The following USP8 variants were observed in gnomAD, a reference collection of about 807,000 sequenced individuals.
The protein encoded by USP8 is ubiquitin carboxyl-terminal hydrolase 8.
A neutral mutation model predicts 130.0 loss-of-function variants in USP8; 27 were observed. The observed-to-expected ratio is 0.21, with a 90% confidence interval of 0.15 to 0.29. The LOEUF (loss-of-function observed/expected upper bound fraction) is 0.29. Ranked by LOEUF, USP8 falls within the 10% of genes least tolerant of loss-of-function variation. The probability of loss-of-function intolerance (pLI) is 1.00; values close to 1 mark genes in which losing one functional copy is unlikely to be tolerated. For synonymous variants in USP8, 392 were observed against 444.1 expected (o/e 0.88, Z 1.48); for missense variants, 1,029 against 1,312.2 (o/e 0.78, Z 3.33).
Position 50,462,209 on chromosome 15 carries a change from T to G in USP8, c.499-71T>G, listed in dbSNP as rs959750703. 17 of 1,317,594 alleles carry G rather than the reference T, an allele frequency of 1.3e-5. No homozygotes were observed. In the Admixed American group the frequency reaches 3.1e-4, roughly 24 times the overall value. The allele number at this position is 1,317,594 out of a possible 1,614,324, so 81.6% of individuals were successfully genotyped here. ...TCTTAGAGTTTCCATTTAAGAGAAG[T>G]AAATGAAGTATTAAAGTTGAATTTT... On this transcript the variant is annotated intron_variant, in intron 5 of 19. Transcript: ENST00000307179.
In USP8 at chr15:50,481,403, A is replaced by C. The variant is rs144189687; in HGVS notation, c.1219-78A>C. 2.0e-4 allele frequency: 219 copies of C among 1,083,288 alleles called. No homozygotes were observed. In the East Asian group the frequency reaches 4.5e-3, roughly 22 times the overall value. The allele number at this position is 1,083,288 out of a possible 1,614,324, so 67.1% of individuals were successfully genotyped here. A position where few individuals can be genotyped will look rare whatever the true frequency, so the allele number is the denominator to read the frequency against. On this transcript the variant is annotated intron_variant, in intron 10 of 19. Transcript: ENST00000307179. ...GTCTCCACAAAGTGACACTTCTTTT[A>C]TCACAACTTGATCTCAAGAACTGAG...
In USP8 at chr15:50,509,270, T is replaced by A. The variant is rs2052707485; in HGVS notation, c.*10182T>A. On this transcript the variant is annotated 3_prime_UTR_variant, in exon 20 of 20. Coordinates refer to ENST00000307179, the MANE Select transcript of USP8 (RefSeq NM_005154.5). ...AGGCAGAGGTTGCAGTGAGCCAAGA[T>A]CACACCACTGCACTCCAGCCTGGGA... is the stretch of plus-strand genomic sequence containing the variant. 1 of 150,624 alleles carries A rather than the reference T, an allele frequency of 6.6e-6. No homozygotes were observed. Among genetic ancestry groups the A allele is most frequent in the African/African-American group, 2.5e-5 (1 of 40,640 alleles). The allele number at this position is 150,624 out of a possible 1,614,324, so 9.3% of individuals were successfully genotyped here. A position where few individuals can be genotyped will look rare whatever the true frequency, so the allele number is the denominator to read the frequency against.
intron 4 of USP8, among the ~76,000 whole-genome samples, 158 bp downstream of exon 4, chr15:50,449,643 G>A (rs915817648): frequency 2.6e-5 from 4 of 151,984 alleles, no homozygotes; most frequent in African/African-American, 4.8e-5. Flanking sequence ...GTGCAGTGGC[G>A]CGATCTCGGC....
In USP8 at chr15:50,500,561, G is replaced by A. The variant is rs1047863205; in HGVS notation, c.*1473G>A. 23 of 499,014 alleles carry A rather than the reference G, an allele frequency of 4.6e-5. No individual in the cohort carries two copies. The highest frequency in any genetic ancestry group is 3.8e-4 in the African/African-American group (20 of 51,954). 30.9% of individuals were successfully genotyped at this position (499,014 alleles called of 1,614,324 possible). On this transcript the variant is annotated 3_prime_UTR_variant, in exon 20 of 20. Transcript: ENST00000307179. ...AGGCATAAAAATGTTAATGATGCAA[G>A]TAAGTTCTAAGAGTTTAATGACCAA...
intron 2 of USP8, among the ~76,000 whole-genome samples, chr15:50,440,189 C>T (rs2050209422): frequency 6.6e-6 from 1 of 152,174 alleles, no homozygotes; most frequent in Non-Finnish European, 1.5e-5. Context: ...ACTCTAACTC[C>T]TGTTGAATGA....
rs762438535 is a variant in USP8 at position 50,439,026 on chromosome 15, G to C, written c.-48G>C. ...TGTTTCAGGAAAGAAGCACTTGTAA[G>C]GAAATATAGCATCCATTGTGAAAGT... On this transcript the variant is annotated 5_prime_UTR_variant, in exon 2 of 20. Transcript: ENST00000307179. The C allele has an allele frequency of 1.5e-6, 2 of 1,319,652 alleles. No homozygotes were observed. The highest frequency in any genetic ancestry group is 2.4e-5 in the East Asian group (1 of 42,118). The allele number at this position is 1,319,652 out of a possible 1,614,324, so 81.7% of individuals were successfully genotyped here. A position where few individuals can be genotyped will look rare whatever the true frequency, so the allele number is the denominator to read the frequency against.
intron 7 of USP8, among the ~76,000 whole-genome samples, 160 bp downstream of exon 7, chr15:50,465,351 G>A (rs1443167102): frequency 1.3e-5 from 2 of 152,024 alleles, no homozygotes; most frequent in African/African-American, 4.8e-5. Context: ...GGGTGGTGGG[G>A]GAGGGGAGGG....
intron 7 of USP8, among the ~76,000 whole-genome samples, chr15:50,467,540 A>G (rs780058350): frequency 1.3e-5 from 2 of 151,908 alleles, no homozygotes; most frequent in Non-Finnish European, 2.9e-5. Flanking sequence ...TGATTACTGT[A>G]TTTTTTCATT....
Position 50,459,068 on chromosome 15 carries a change from A to C in USP8, c.404A>C (p.Gln135Pro). The change falls in exon 5 of 20, where the codon CAA becomes CCA. Residue 135 changes from glutamine (Q) to proline (P), a missense_variant. Gln to Pro is a moderately conservative substitution (Grantham distance 76, BLOSUM62 -1). Around this residue, in one of 4 missense-constraint regions of USP8, gnomAD observed 281 missense variants for 336.7 expected, o/e 0.83. Transcript: ENST00000307179. ...AGGCAGGAGGAAGCACAGCGGCTACAACAAAAAAGGCAGGAAACAGGAAGA... is the reference window on the plus strand; with the variant it reads ...AGGCAGGAGGAAGCACAGCGGCTACCACAAAAAAGGCAGGAAACAGGAAGA... ...KDRQEEAQRL[Q>P]QKRQETGRED... 1 of 1,614,128 alleles carries C rather than the reference A, an allele frequency of 6.2e-7. No individual in the cohort carries two copies. Among genetic ancestry groups the C allele is most frequent in the East Asian group, 2.2e-5 (1 of 44,884 alleles).
chr15:50,440,981 A>G (rs926781078), intron 2 of USP8, among the ~76,000 whole-genome samples: 1 of 149,622 alleles, frequency 6.7e-6, no homozygotes, highest in Non-Finnish European at 1.5e-5. Flanking sequence ...AGCCTGGGCA[A>G]GAAGAGCTAG....
In USP8 at chr15:50,488,780, C is replaced by T. The variant is rs575293169; in HGVS notation, c.1891-1021C>T. Among the ~76,000 whole-genome samples, 20 of 151,708 alleles carry T rather than the reference C, an allele frequency of 1.3e-4. 1 individual carries two copies. The highest frequency in any genetic ancestry group is 4.8e-4 in the African/African-American group (20 of 41,388). On this transcript the variant is annotated intron_variant, in intron 12 of 19. Transcript: ENST00000307179. ...TAGAGATGGGGTTTCACCATGTTGC[C>T]CAGGCTGGTCTCGAACTCCTGACCT...
intron 14 of USP8, among the ~76,000 whole-genome samples, chr15:50,491,102 C>T (rs1404507815): frequency 6.6e-6 from 1 of 152,122 alleles, no homozygotes; most frequent in Non-Finnish European, 1.5e-5. Context: ...CTGGCTTCGT[C>T]CCTTTTGGAA....
At chr15:50,486,040 C>T (rs552354298) in intron 12 of USP8, among the ~76,000 whole-genome samples, 1 of 151,612 alleles carries the variant, frequency 6.6e-6, no homozygotes, top group African/African-American at 2.4e-5. Flanking sequence ...GATGCAGAAC[C>T]GATGAATACA....
At chr15:50,425,554 T>C (rs1245859599) in intron 1 of USP8, among the ~76,000 whole-genome samples, 1 of 152,198 alleles carries the variant, frequency 6.6e-6, no homozygotes, top group African/African-American at 2.4e-5. Flanking sequence ...TGATATCGGT[T>C]GTGTTATGTC....
Position 50,506,300 on chromosome 15 carries a change from C to T in USP8, c.*7212C>T, listed in dbSNP as rs569613503. ...GCGGCAAACCTACCCTGAGCACCGC[C>T]TCCTGTCAGATCAGCTGCTGCATTA... On this transcript the variant is annotated 3_prime_UTR_variant, in exon 20 of 20. Transcript: ENST00000307179. 1 of 152,360 alleles carries T rather than the reference C, an allele frequency of 6.6e-6. No individual in the cohort carries two copies. The highest frequency in any genetic ancestry group is 2.4e-5 in the African/African-American group (1 of 41,452). The allele number at this position is 152,360 out of a possible 1,614,324, so 9.4% of individuals were successfully genotyped here. A position where few individuals can be genotyped will look rare whatever the true frequency, so the allele number is the denominator to read the frequency against.
intron 1 of USP8, among the ~76,000 whole-genome samples, chr15:50,425,078 A>G (rs1357666847): frequency 1.3e-5 from 2 of 152,122 alleles, no homozygotes. Flanking sequence ...CTTGGAAATT[A>G]TCAGAATCCT....
chr15:50,468,379 A>G (rs1566865988), intron 7 of USP8, among the ~76,000 whole-genome samples: 1 of 150,012 alleles, frequency 6.7e-6, no homozygotes, highest in East Asian at 2.0e-4. Flanking sequence ...AGTGGCTGGG[A>G]TTATAGGTGT....
In USP8 at chr15:50,508,738, C is replaced by T. The variant is rs780892718; in HGVS notation, c.*9650C>T. ...GTTAGCCTGCCACAGTGGTTCATGC[C>T]TATAATCCCTGCACTTTGGGAGGCC... On this transcript the variant is annotated 3_prime_UTR_variant, in exon 20 of 20. Transcript: ENST00000307179. The T allele has an allele frequency of 6.6e-6, 1 of 152,074 alleles. No homozygotes were observed. The highest frequency in any genetic ancestry group is 1.5e-5 in the Non-Finnish European group (1 of 68,036). The allele number at this position is 152,074 out of a possible 1,614,324, so 9.4% of individuals were successfully genotyped here.
At chr15:50,462,977 G>A (rs1274753473) in intron 6 of USP8, among the ~76,000 whole-genome samples, 1 of 152,118 alleles carries the variant, frequency 6.6e-6, no homozygotes, top group Non-Finnish European at 1.5e-5. Flanking sequence ...GCCAGGCGCA[G>A]TGGCTCATTC....
Sources: allele counts gnomAD v4.1 joint callset (sites outside exome capture counted in the v4.1 genomes callset), GRCh38; gene constraint gnomAD v4.1.1; regional missense constraint gnomAD v4.1.1; transcripts MANE v1.5; gene names NCBI Gene and HGNC (gene_info 2026-07-23, HGNC 2026-07-21).